Variants in CLUL1 observed in about 807,000 individuals in gnomAD.
The protein encoded by CLUL1 is clusterin like 1.
CLUL1 carries 43 observed loss-of-function variants against 49.4 expected under a neutral mutation model. That is an observed-to-expected ratio of 0.87 (90% confidence interval 0.68 to 1.12). CLUL1 has a LOEUF of 1.12. CLUL1 is among the 50% of genes most tolerant of loss of function. The pLI is 0.00. For synonymous variants in CLUL1, 192 were observed against 184.9 expected, an observed-to-expected ratio of 1.04 and a Z score of -0.31; for missense variants, 486 against 544.4, an observed-to-expected ratio of 0.89 and a Z score of 1.07.
intron 5 of CLUL1, among the ~76,000 whole-genome samples, chr18:625,518 A>AAC (rs3221054): frequency 0.051 from 7,419 of 144,612 alleles, 231 homozygotes; most frequent in Middle Eastern, 0.096. Flanking sequence ...CCTTATGCAT[A>AAC]ACACACACAC....
Position 627,324 on chromosome 18 carries a change from C to T in CLUL1, c.651C>T (p.Phe217=). The change falls in exon 6 of 10, where the codon TTC becomes TTT. Residue 217 remains phenylalanine (F), a synonymous_variant. Coordinates refer to ENST00000692774, the MANE Select transcript of CLUL1 (RefSeq NM_001393344.1). ...QEFDQTFQSH[F]ISDTDLTEPY... ...TTGACCAGACTTTTCAATCACATTT[C>T]ATATCAGATACAGACCTAACTGAGC... 6.2e-7 allele frequency: 1 copy of T among 1,614,036 alleles called. No individual in the cohort carries two copies. The highest frequency in any genetic ancestry group is 1.1e-5 in the South Asian group (1 of 91,074).
At chr18:607,245 A>G (rs2072999884) in intron 2 of CLUL1, 146 bp downstream of exon 2, 3 of 591,172 alleles carry the variant, frequency 5.1e-6, no homozygotes, top group Non-Finnish European at 6.1e-6. Context: ...CTCTTGCCTC[A>G]GCCTCCCTAC....
At chr18:617,905 G>T in intron 2 of CLUL1, 83 bp from the exon 3 acceptor site, 1 of 1,113,756 alleles carries the variant, frequency 9.0e-7, no homozygotes, top group Non-Finnish European at 1.3e-6. Context: ...AAAATGCTTT[G>T]GAGCCCCAGG....
At chr18:625,820 G>A (rs482080) in intron 5 of CLUL1, among the ~76,000 whole-genome samples, 142,281 of 152,218 alleles carry the variant, frequency 0.93, 67,309 homozygotes, top group East Asian at 1. Flanking sequence ...TGGCAATGCC[G>A]TACTCAATTA....
intron 6 of CLUL1, among the ~76,000 whole-genome samples, chr18:631,379 C>T (rs13381956): frequency 0.45 from 68,057 of 151,528 alleles, 15,825 homozygotes; most frequent in East Asian, 0.76. Context: ...GTGCGGGGGC[C>T]GGGAGACCTG....
chr18:619,444 T>TAAGGAAAA, intron 4 of CLUL1, 83 bp downstream of exon 4: 1 of 1,236,962 alleles, frequency 8.1e-7, no homozygotes, highest in Non-Finnish European at 1.1e-6. Flanking sequence ...GATGAATTAC[T>TAAGGAAAA]TATTTTCCTT....
intron 7 of CLUL1, among the ~76,000 whole-genome samples, chr18:635,688 T>C (rs1180139436): frequency 6.6e-6 from 1 of 151,486 alleles, no homozygotes; most frequent in African/African-American, 2.4e-5. Flanking sequence ...CCCTTGGCTT[T>C]CTCTCCTCAA....
intron 4 of CLUL1, among the ~76,000 whole-genome samples, chr18:619,924 G>T (rs2073438325): frequency 6.6e-6 from 1 of 151,892 alleles, no homozygotes; most frequent in Admixed American, 6.6e-5. Flanking sequence ...TGGCCAGGCT[G>T]GTCCCGAACT....
chr18:648,736 A>G (rs1056644848), intron 9 of CLUL1, among the ~76,000 whole-genome samples: 2 of 152,152 alleles, frequency 1.3e-5, no homozygotes, highest in South Asian at 4.1e-4. Flanking sequence ...GGCTCACGGC[A>G]ACCTCCACCT....
rs766168896 is a variant in CLUL1, at chr18:618,032, G to A, written c.32G>A (p.Cys11Tyr). 2 of 1,614,032 alleles carry A rather than the reference G, an allele frequency of 1.2e-6. No individual in the cohort carries two copies. Among genetic ancestry groups the A allele is most frequent in the South Asian group, 2.2e-5 (2 of 91,074 alleles). Residue 11 changes from cysteine (C) to tyrosine (Y), a missense_variant, in exon 3 of 10, where the codon TGT (cysteine) becomes TAT (tyrosine). By Grantham distance (194) the Cys-to-Tyr change is radical. Transcript: ENST00000692774. The surrounding 1 kb of genome is among the most constrained non-coding windows in gnomAD (Gnocchi z 4.2). MKPPLLVFIVCLLWLKDSHCA... is the reference protein window; with the variant it reads MKPPLLVFIVYLLWLKDSHCA... ...CCGCCACTCTTGGTGTTTATTGTGT[G>A]TCTGCTGTGGTTGAAAGACAGTCAC...
intron 2 of CLUL1, chr18:614,575 CT>C (rs1407519378): frequency 2.6e-5 from 4 of 152,248 alleles, no homozygotes; most frequent in Non-Finnish European, 4.4e-5. Flanking sequence ...CACCCCTGGC[CT>C]CTCACCCTCC....
intron 6 of CLUL1, among the ~76,000 whole-genome samples, chr18:629,781 A>G (rs554046630): frequency 6.6e-6 from 1 of 152,348 alleles, no homozygotes; most frequent in South Asian, 2.1e-4. Context: ...GCCAGACAGT[A>G]CACAGAAGCT....
chr18:628,584 C>T (rs1284699526), intron 6 of CLUL1, among the ~76,000 whole-genome samples: 9 of 152,010 alleles, frequency 5.9e-5, no homozygotes. Flanking sequence ...GGCTGCTCCC[C>T]TCTGAGATGA....
Position 645,070 on chromosome 18 carries a change from A to G in CLUL1, c.1370A>G (p.Gln457Arg). 1 of 1,607,740 alleles carries G rather than the reference A, an allele frequency of 6.2e-7. No individual in the cohort carries two copies. Among genetic ancestry groups the G allele is most frequent in the Non-Finnish European group, 8.5e-7 (1 of 1,177,502 alleles). The change falls in exon 9 of 10, where the codon CAG becomes CGG. Residue 457 changes from glutamine (Q) to arginine (R), a missense_variant. Gln to Arg is a conservative substitution (Grantham distance 43). Coordinates refer to ENST00000692774, the MANE Select transcript of CLUL1 (RefSeq NM_001393344.1). The part of the protein sequence containing the change: ...FIGYVVAKAL[Q>R]HFKEHFKTW ...GGCTACGTAGTGGCAAAAGCTCTAC[A>G]GCATTTTAAGGAACATTTTAAAACC...
Position 596,989 on chromosome 18 carries a change from C to T in CLUL1, c.-276C>T, listed in dbSNP as rs1413889456. On this transcript the variant is annotated 5_prime_UTR_variant, in exon 1 of 10. Coordinates refer to ENST00000692774, the MANE Select transcript of CLUL1 (RefSeq NM_001393344.1). ...ACCCGGCGTCTGCAGGCCCCGCCCA[C>T]CCTGCGTCACCTGCAGGCCCGGGCC... The T allele has an allele frequency of 8.8e-6, 1 of 113,284 alleles. No homozygotes were observed. Among genetic ancestry groups the T allele is most frequent in the Non-Finnish European group, 1.8e-5 (1 of 56,636 alleles). The allele number at this position is 113,284 out of a possible 1,614,324, so 7.0% of individuals were successfully genotyped here.
intron 5 of CLUL1, 62 bp downstream of exon 5, chr18:625,094 T>C (rs1214718441): frequency 1.3e-6 from 2 of 1,505,512 alleles, no homozygotes; most frequent in Non-Finnish European, 9.0e-7. Context: ...AGCTTACTTT[T>C]TTATTAATTT....
chr18:645,183 C>A, intron 9 of CLUL1, 86 bp downstream of exon 9: 1 of 1,016,918 alleles, frequency 9.8e-7, no homozygotes, highest in South Asian at 2.0e-5. Flanking sequence ...TTCCAAATAC[C>A]TGGAAAACAT....
chr18:607,139 T>G, intron 2 of CLUL1, 40 bp downstream of exon 2: 1 of 700,984 alleles, frequency 1.4e-6, no homozygotes, highest in Non-Finnish European at 2.6e-6. Flanking sequence ...ATTTATTTAT[T>G]TATTTAGAGA....
intron 1 of CLUL1, among the ~76,000 whole-genome samples, chr18:605,838 A>G (rs2072958093): frequency 6.6e-6 from 1 of 151,994 alleles, no homozygotes; most frequent in African/African-American, 2.4e-5. Context: ...CACCATGTCC[A>G]GATAATTTTG....
Sources: gnomAD v4.1 joint callset for allele counts (sites outside exome capture counted in the v4.1 genomes callset) on GRCh38, gnomAD v4.1.1 for gene constraint, Gnocchi (gnomAD v3.1) non-coding constraint, MANE v1.5 for transcripts, NCBI Gene and HGNC (gene_info 2026-07-23, HGNC 2026-07-21) for gene names.